Variants in SPOCK1 observed in about 807,000 individuals in gnomAD.
SPOCK1 encodes the protein SPARC (osteonectin), cwcv and kazal like domains proteoglycan 1.
Under a neutral mutation model 55.3 loss-of-function variants are expected in SPOCK1, and 23 were observed. The ratio of observed to expected loss-of-function variants is 0.42; its 90% CI spans 0.30 to 0.59. SPOCK1 has a LOEUF of 0.59. SPOCK1 is among the 20% of genes least tolerant of loss of function. The pLI is 0.22. For missense variants in SPOCK1, 499 were observed against 552.5 expected (o/e 0.90, Z 0.97); for synonymous variants, 226 against 221.0 (o/e 1.02, Z -0.20).
At chr5:137,266,874 G>T (rs1338119879) in intron 3 of SPOCK1, 136 bp downstream of exon 3, 3 of 691,930 alleles carry the variant, frequency 4.3e-6, no homozygotes, top group Non-Finnish European at 7.4e-6. Context: ...TATCACCCCA[G>T]TCAATTCAGT....
At chr5:137,219,996 G>C (rs1042854090) in intron 3 of SPOCK1, among the ~76,000 whole-genome samples, 5 of 152,148 alleles carry the variant, frequency 3.3e-5, no homozygotes, top group Non-Finnish European at 7.3e-5. Context: ...AACCCATCCA[G>C]TACTCCATCT....
intron 2 of SPOCK1, among the ~76,000 whole-genome samples, chr5:137,495,360 A>T (rs1754277324): frequency 6.6e-6 from 1 of 152,170 alleles, no homozygotes; most frequent in Non-Finnish European, 1.5e-5. Flanking sequence ...ATTCATTTCA[A>T]AGTTGACCCT....
chr5:137,349,817 G>C (rs1194365721), intron 2 of SPOCK1, among the ~76,000 whole-genome samples: 1 of 151,984 alleles, frequency 6.6e-6, no homozygotes, highest in Non-Finnish European at 1.5e-5. Flanking sequence ...CTTTTCATAA[G>C]GACACCAGTC....
At chr5:137,083,755 G>A (rs748651475) in intron 5 of SPOCK1, among the ~76,000 whole-genome samples, 11 of 151,940 alleles carry the variant, frequency 7.2e-5, no homozygotes, top group Admixed American at 2.0e-4. Context: ...GACACACATC[G>A]CCCCCAATAC....
intron 3 of SPOCK1, among the ~76,000 whole-genome samples, chr5:137,141,539 C>T (rs961507169): frequency 3.9e-5 from 6 of 152,186 alleles, no homozygotes; most frequent in Non-Finnish European, 7.3e-5. Context: ...GGGGGAAAAG[C>T]TTACACATAA....
intron 2 of SPOCK1, among the ~76,000 whole-genome samples, chr5:137,474,584 T>C (rs911812323): frequency 2.6e-5 from 4 of 152,210 alleles, no homozygotes; most frequent in Non-Finnish European, 5.9e-5. Context: ...GAACCAGGAT[T>C]CTTTGGATCT....
At chr5:137,375,066 A>T (rs1430169991) in intron 2 of SPOCK1, among the ~76,000 whole-genome samples, 1 of 152,252 alleles carries the variant, frequency 6.6e-6, no homozygotes, top group Non-Finnish European at 1.5e-5. Flanking sequence ...CTTTGGAAAA[A>T]AAGAAAGATC....
At chr5:137,177,040 G>C (rs1310464103) in intron 3 of SPOCK1, among the ~76,000 whole-genome samples, 1 of 152,096 alleles carries the variant, frequency 6.6e-6, no homozygotes, top group East Asian at 1.9e-4. Flanking sequence ...CCCAAAAACT[G>C]GGACTGTGCC....
chr5:137,306,742 G>A (rs1160649854), intron 2 of SPOCK1, among the ~76,000 whole-genome samples: 1 of 151,104 alleles, frequency 6.6e-6, no homozygotes, highest in Non-Finnish European at 1.5e-5. Context: ...TGTTTGTAAT[G>A]TGCATAGCTT....
At position 137,191,090 on chromosome 5, in the gene SPOCK1, T is replaced by C. The variant is rs142704131; in HGVS notation, c.233-50396A>G. The stretch of plus-strand genomic sequence containing the variant: ...CTCTTCTCCATTAATTCTTCTGTCT[T>C]ATTTTCCCAGCTAGAAGCTACAGAG... On this transcript the variant is annotated intron_variant, in intron 3 of 10. Transcript: ENST00000394945. Among the ~76,000 whole-genome samples the C allele has an allele frequency of 5.6e-3, 856 of 152,316 alleles. 10 individuals are homozygous for C. Among genetic ancestry groups the C allele is most frequent in the African/African-American group, 0.019 (788 of 41,550 alleles).
At chr5:137,123,790 T>C (rs1753729662) in intron 4 of SPOCK1, among the ~76,000 whole-genome samples, 1 of 152,118 alleles carries the variant, frequency 6.6e-6, no homozygotes, top group Non-Finnish European at 1.5e-5. Context: ...TTTAACCTTG[T>C]CATCACTGAA....
At chr5:137,452,484 A>G (rs186952511) in intron 2 of SPOCK1, among the ~76,000 whole-genome samples, 4 of 152,338 alleles carry the variant, frequency 2.6e-5, no homozygotes, top group Admixed American at 2.6e-4. Context: ...TGGTAAAAGA[A>G]AAAAAGTGAA....
intron 2 of SPOCK1, among the ~76,000 whole-genome samples, chr5:137,456,577 CA>C (rs1399989135): frequency 2.0e-5 from 3 of 152,126 alleles, no homozygotes; most frequent in African/African-American, 4.8e-5. Flanking sequence ...TGTATTTATT[CA>C]GTCAATGAAC....
At chr5:137,372,593 A>C (rs973170345) in intron 2 of SPOCK1, among the ~76,000 whole-genome samples, 21 of 152,246 alleles carry the variant, frequency 1.4e-4, no homozygotes, top group Non-Finnish European at 2.5e-4. Flanking sequence ...GTCACACACA[A>C]AAAATGGTCT....
chr5:137,462,133 T>C (rs1469365851), intron 2 of SPOCK1, among the ~76,000 whole-genome samples: 1 of 152,240 alleles, frequency 6.6e-6, no homozygotes. Flanking sequence ...TGGCCCCCTG[T>C]GCTTAGCCTC....
chr5:137,009,311 GC>G lies in SPOCK1; in HGVS notation c.590-16712del, dbSNP rs559112793. 2.8e-4 allele frequency among the ~76,000 whole-genome samples: 43 copies of G among 152,260 alleles called. No homozygotes were observed. In the South Asian group the frequency reaches 8.3e-3, roughly 29 times the overall value. On this transcript the variant is annotated intron_variant, in intron 6 of 10. Transcript: ENST00000394945. ...ACAGCATTATTTGAAATAGCAAAAGGCTGGAAACATTCAAATGTCCATGGTT... is the reference window on the plus strand; with the variant it reads ...ACAGCATTATTTGAAATAGCAAAAGGTGGAAACATTCAAATGTCCATGGTT...
intron 2 of SPOCK1, among the ~76,000 whole-genome samples, chr5:137,375,281 TG>T (rs144065874): frequency 0.036 from 5,484 of 152,238 alleles, 137 homozygotes; most frequent in South Asian, 0.063. Flanking sequence ...CACAACACCA[TG>T]GTAATCCCAT....
At chr5:137,064,890 C>T (rs1457193017) in intron 6 of SPOCK1, among the ~76,000 whole-genome samples, 1 of 152,148 alleles carries the variant, frequency 6.6e-6, no homozygotes, top group African/African-American at 2.4e-5. Flanking sequence ...CCTCACTCCC[C>T]CAAATGTGTT....
chr5:136,995,415 A>T (rs746979731), intron 6 of SPOCK1, among the ~76,000 whole-genome samples: 2 of 152,152 alleles, frequency 1.3e-5, no homozygotes. Context: ...AGGCCCTCCC[A>T]ACACACTTAT....
Sources: allele counts gnomAD v4.1 joint callset (sites outside exome capture counted in the v4.1 genomes callset), GRCh38; gene constraint gnomAD v4.1.1; transcripts MANE v1.5; gene names NCBI Gene and HGNC (gene_info 2026-07-23, HGNC 2026-07-21).